The following STK38 variants were observed in gnomAD, a reference collection of about 807,000 sequenced individuals.
The protein encoded by STK38 is serine/threonine kinase 38.
In STK38, 26 loss-of-function variants were observed where a neutral mutation model predicts 59.0. The ratio of observed to expected loss-of-function variants is 0.44; its 90% CI spans 0.32 to 0.61. The LOEUF is 0.61. Among genes scored for constraint, STK38 ranks in the 20% least tolerant of loss-of-function variants. The pLI is 0.04. For missense variants in STK38, 433 were observed against 566.0 expected, an observed-to-expected ratio of 0.76 and a Z score of 2.38; for synonymous variants, 175 against 176.6, an observed-to-expected ratio of 0.99 and a Z score of 0.07.
In STK38 at chr6:36,496,822, T is replaced by C. The variant is rs1776716322; in HGVS notation, c.1173-17A>G. 2 of 1,576,074 alleles carry C rather than the reference T, an allele frequency of 1.3e-6. No individual in the cohort carries two copies. The highest frequency in any genetic ancestry group is 1.7e-6 in the Non-Finnish European group (2 of 1,148,558). On this transcript the variant is annotated splice_polypyrimidine_tract_variant and intron_variant, in intron 12 of 13. Transcript: ENST00000229812. ...GGTCTCTCTCTGCCAAGAATACACA[T>C]GCCAAAAATTACTAAGTTAGTAATC...
intron 2 of STK38, among the ~76,000 whole-genome samples, chr6:36,538,891 CA>C (rs1214217676): frequency 0.014 from 752 of 54,132 alleles, 2 homozygotes; most frequent in African/African-American, 0.024. Flanking sequence ...GACTCTGTCT[CA>C]AAAAAAAAAA....
At chr6:36,527,205 A>ATATATATATATATATAT (rs1401899969) in intron 2 of STK38, among the ~76,000 whole-genome samples, 7 of 112,760 alleles carry the variant, frequency 6.2e-5, no homozygotes, top group Admixed American at 5.6e-4. Context: ...AAAAAAAAAA[A>ATATATATATATATATAT]AAATATATGT....
rs190188845 is a variant in STK38 at position 36,512,982 on chromosome 6, A to G, written c.669+2356T>C. 2.0e-5 allele frequency among the ~76,000 whole-genome samples: 3 copies of G among 151,776 alleles called. No individual in the cohort carries two copies. The East Asian group carries it at 5.9e-4, about 30-fold the overall frequency. ...GCCAGCGTAATTTTTCTTCTTTAAT[A>G]CTGTCTGTAATGTTCAAATTTTCTA... On this transcript the variant is annotated intron_variant, in intron 7 of 13. Coordinates refer to ENST00000229812, the MANE Select transcript of STK38 (RefSeq NM_007271.4).
chr6:36,510,492 T>C (rs574993257), intron 7 of STK38, among the ~76,000 whole-genome samples: 453 of 152,308 alleles, frequency 3.0e-3, no homozygotes, highest in African/African-American at 6.4e-3. Context: ...CAACTGCAAC[T>C]GTGCCTGGGA....
At chr6:36,542,007 G>GT (rs1777950191) in intron 1 of STK38, among the ~76,000 whole-genome samples, 1 of 149,802 alleles carries the variant, frequency 6.7e-6, no homozygotes, top group Non-Finnish European at 1.5e-5. Flanking sequence ...TTTTTTTTTT[G>GT]TATTTTCAGT....
At chr6:36,501,219 C>T (rs1446723815) in intron 9 of STK38, among the ~76,000 whole-genome samples, 1 of 152,102 alleles carries the variant, frequency 6.6e-6, no homozygotes, top group African/African-American at 2.4e-5. Context: ...TCCCAAAGTG[C>T]TGGGATTACA....
intron 1 of STK38, among the ~76,000 whole-genome samples, chr6:36,546,394 GT>G (rs1388751767): frequency 2.0e-5 from 3 of 152,160 alleles, no homozygotes; most frequent in Non-Finnish European, 4.4e-5. Context: ...GGTGGTGGTT[GT>G]TTTATGTTTA....
At chr6:36,500,028 G>T in intron 9 of STK38, 38 bp from the exon 10 acceptor site, 3 of 1,510,002 alleles carry the variant, frequency 2.0e-6, no homozygotes, top group Non-Finnish European at 2.8e-6. Context: ...GCCCAGCCAG[G>T]CAGGAGGTGC....
intron 2 of STK38, among the ~76,000 whole-genome samples, chr6:36,533,716 C>CT (rs1431177565): frequency 1.3e-5 from 2 of 152,168 alleles, no homozygotes; most frequent in Non-Finnish European, 2.9e-5. Context: ...ACCCAGAGGA[C>CT]TACTACTAAA....
chr6:36,532,197 C>T (rs760194736), intron 2 of STK38, among the ~76,000 whole-genome samples: 27 of 151,024 alleles, frequency 1.8e-4, no homozygotes, highest in Non-Finnish European at 3.5e-4. Flanking sequence ...GTAATCCCAA[C>T]ACTCTGGGAG....
intron 2 of STK38, among the ~76,000 whole-genome samples, chr6:36,527,895 C>G (rs531459201): frequency 1.9e-4 from 29 of 150,058 alleles, no homozygotes; most frequent in Non-Finnish European, 3.2e-4. Context: ...GTCAGGAGAT[C>G]GAGACCATCC....
Position 36,500,009 on chromosome 6 carries a change from A to C in STK38, c.835-19T>G. The C allele has an allele frequency of 1.3e-6, 2 of 1,596,726 alleles. No individual in the cohort carries two copies. The highest frequency in any genetic ancestry group is 1.7e-6 in the Non-Finnish European group (2 of 1,164,434). The stretch of plus-strand genomic sequence containing the variant: ...AGAAGGCCTGAAACATGGACCACAC[A>C]TCAGCGAGGCCCAGCCAGGCAGGAG... On this transcript the variant is annotated intron_variant, in intron 9 of 13. Coordinates refer to ENST00000229812, the MANE Select transcript of STK38 (RefSeq NM_007271.4).
chr6:36,495,801 T>C lies in STK38; in HGVS notation c.1381A>G (p.Met461Val), dbSNP rs762900991. ...LTARGAIPSY[M>V]KAAK ...CAAGAGTACTATTTTGCTGCTTTCA[T>C]GTAGGAAGGTATTGCCCCCCTTGCA... Residue 461 changes from methionine (M) to valine (V), a missense_variant, in exon 14 of 14, where the codon ATG becomes GTG. This residue lies in a region of STK38 where 136 missense variants were observed against 156.7 expected (regional missense o/e 0.87). Transcript: ENST00000229812. The C allele has an allele frequency of 3.1e-6, 5 of 1,613,864 alleles. No homozygotes were observed. The highest frequency in any genetic ancestry group is 1.1e-5 in the South Asian group (1 of 91,082).
At position 36,540,044 on chromosome 6, in the gene STK38, C is replaced by CA. The variant is rs1446515173; in HGVS notation, c.131+27dup. On this transcript the variant is annotated intron_variant, in intron 2 of 13. Transcript: ENST00000229812. ...CGAGAAAGGAATGCCACAACCATGA[C>CA]ACAATTTTTTCAAACAAAATTCTTT... The CA allele has an allele frequency of 3.7e-6, 6 of 1,612,080 alleles. No homozygotes were observed. In the South Asian group the frequency reaches 6.6e-5, roughly 18 times the overall value.
chr6:36,544,633 C>T (rs974316499), intron 1 of STK38, among the ~76,000 whole-genome samples: 1 of 152,172 alleles, frequency 6.6e-6, no homozygotes, highest in Non-Finnish European at 1.5e-5. Flanking sequence ...CCTGTAATCT[C>T]AGCACTTTGG....
intron 9 of STK38, among the ~76,000 whole-genome samples, chr6:36,503,840 G>A (rs1002872400): frequency 1.3e-5 from 2 of 152,124 alleles, no homozygotes; most frequent in African/African-American, 2.4e-5. Context: ...ACTGGAGCTC[G>A]CTCGCATTTT....
intron 9 of STK38, among the ~76,000 whole-genome samples, chr6:36,503,300 C>T (rs1776883018): frequency 6.6e-6 from 1 of 151,938 alleles, no homozygotes; most frequent in Admixed American, 6.6e-5. Context: ...TTAAGAAATC[C>T]CTCTTTACTC....
At chr6:36,523,978 A>G (rs778018554) in intron 4 of STK38, among the ~76,000 whole-genome samples, 1 of 152,200 alleles carries the variant, frequency 6.6e-6, no homozygotes, top group African/African-American at 2.4e-5. Flanking sequence ...TGATAACAAG[A>G]GACATTATAT....
At chr6:36,538,095 C>T (rs853873) in intron 2 of STK38, among the ~76,000 whole-genome samples, 67,264 of 151,578 alleles carry the variant, frequency 0.44, 16,900 homozygotes, top group African/African-American at 0.67. Flanking sequence ...GGTCAGGAGA[C>T]TGAGACCATC....
Sources: gnomAD v4.1 joint callset for allele counts (sites outside exome capture counted in the v4.1 genomes callset) on GRCh38, gnomAD v4.1.1 for gene constraint, gnomAD v4.1.1 regional missense constraint, MANE v1.5 for transcripts, NCBI Gene and HGNC (gene_info 2026-07-23, HGNC 2026-07-21) for gene names.